Variants in KCNQ1 observed in about 807,000 individuals in gnomAD.
KCNQ1 encodes potassium voltage-gated channel subfamily Q member 1.
KCNQ1 carries 49 observed loss-of-function variants against 72.4 expected under a neutral mutation model. The ratio of observed to expected loss-of-function variants is 0.68; its 90% CI spans 0.54 to 0.86. The LOEUF (loss-of-function observed/expected upper bound fraction) is 0.86, where lower values mean the gene tolerates loss of function less well. KCNQ1 is among the 40% of genes least tolerant of loss of function. KCNQ1 has a pLI of 0.00. For synonymous variants in KCNQ1, 450 were observed against 412.6 expected, an observed-to-expected ratio of 1.09 and a Z score of -1.10; for missense variants, 790 against 945.1, an observed-to-expected ratio of 0.84 and a Z score of 2.15.
chr11:2,700,862 C>T (rs1038658950), intron 11 of KCNQ1, among the ~76,000 whole-genome samples: 3 of 152,130 alleles, frequency 2.0e-5, no homozygotes, highest in Non-Finnish European at 4.4e-5. Flanking sequence ...CGCGCGCCTT[C>T]TGAATGCCAA....
At chr11:2,686,173 G>A in intron 11 of KCNQ1, 1 of 398,918 alleles carries the variant, frequency 2.5e-6, no homozygotes, top group East Asian at 3.6e-5. Flanking sequence ...TGAGAGCACA[G>A]CAATGCCTAC....
At position 2,748,378 on chromosome 11, in the gene KCNQ1, G is replaced by A. The variant is rs1415178231; in HGVS notation, c.1515-20466G>A. 1.3e-5 allele frequency among the ~76,000 whole-genome samples: 2 copies of A among 152,202 alleles called. No individual in the cohort carries two copies. The highest frequency in any genetic ancestry group is 2.4e-5 in the African/African-American group (1 of 41,436). ...CACCTGTCCCAGTAAGGGTGGTTGT[G>A]TGTGTTGGGTAGATGTGGTGAGGTG... On this transcript the variant is annotated intron_variant, in intron 11 of 15. Transcript: ENST00000155840. The surrounding 1 kb of genome is among the most constrained non-coding windows in gnomAD (Gnocchi z 6.2).
Position 2,779,249 on chromosome 11 carries a change from C to T in KCNQ1, c.1794+1212C>T, listed in dbSNP as rs574516294. ...TCACAGGATTGGCAAGCTCAGAGGC[C>T]CAGAAGCCTTGGCCTCTCTGCTGCC... On this transcript the variant is annotated intron_variant, in intron 15 of 15. Transcript: ENST00000155840. Among the ~76,000 whole-genome samples the T allele has an allele frequency of 9.2e-5, 14 of 152,324 alleles. No individual in the cohort carries two copies. In the East Asian group the frequency reaches 2.7e-3, roughly 29 times the overall value.
intron 1 of KCNQ1, among the ~76,000 whole-genome samples, chr11:2,512,265 C>T (rs1227729967): frequency 1.3e-5 from 2 of 152,218 alleles, no homozygotes; most frequent in Admixed American, 6.5e-5. Flanking sequence ...GGTGCTGGAG[C>T]CGGGGCGGGA....
At chr11:2,684,401 G>C in intron 11 of KCNQ1, 1 of 398,640 alleles carries the variant, frequency 2.5e-6, no homozygotes, top group Non-Finnish European at 4.4e-6. Context: ...CCATCCCCCT[G>C]ATTCCTCAGT....
At chr11:2,665,272 G>GT (rs1300148658) in intron 11 of KCNQ1, 2 of 398,416 alleles carry the variant, frequency 5.0e-6, no homozygotes, top group Admixed American at 8.8e-5. Flanking sequence ...CCCTGAGCCT[G>GT]TGTCTCCCAC....
chr11:2,482,060 A>C lies in KCNQ1; in HGVS notation c.386+36576A>C, dbSNP rs1006468222. Among the ~76,000 whole-genome samples the C allele has an allele frequency of 1.3e-5, 2 of 152,116 alleles. No homozygotes were observed. The highest frequency in any genetic ancestry group is 4.8e-5 in the African/African-American group (2 of 41,426). ...TATGAATTTGTGCCTCAGTTTCTTC[A>C]TCTCTGAAACGGGAACGATGGGAGC... On this transcript the variant is annotated intron_variant, in intron 1 of 15. Transcript: ENST00000155840. This position sits in a 1 kb window ranked among gnomAD's most constrained non-coding sequence, Gnocchi z 5.7.
At chr11:2,555,162 C>A (rs958702637) in intron 2 of KCNQ1, among the ~76,000 whole-genome samples, 1 of 152,240 alleles carries the variant, frequency 6.6e-6, no homozygotes, top group African/African-American at 2.4e-5. Context: ...TCAGCACTCT[C>A]CCCAAGTCAA....
intron 11 of KCNQ1, among the ~76,000 whole-genome samples, chr11:2,733,864 CA>C (rs1165597318): frequency 1.0e-5 from 1 of 96,364 alleles, no homozygotes. Context: ...TCTCCCCCCC[CA>C]CTTCAGGGCC....
rs541290348 is a variant in KCNQ1, at chr11:2,452,258, T to G, written c.386+6774T>G. On this transcript the variant is annotated intron_variant, in intron 1 of 15. Transcript: ENST00000155840. ...GGCTGAACTTGCTCCAGGCAGAGATTTGAAGAGATTCAGAAAGCAGGAACC... is the reference window on the plus strand; with the variant it reads ...GGCTGAACTTGCTCCAGGCAGAGATGTGAAGAGATTCAGAAAGCAGGAACC... Among the ~76,000 whole-genome samples, 21 of 152,280 alleles carry G rather than the reference T, an allele frequency of 1.4e-4. No individual in the cohort carries two copies. The South Asian group carries it at 3.5e-3, about 26-fold the overall frequency.
intron 8 of KCNQ1, among the ~76,000 whole-genome samples, chr11:2,587,084 T>C (rs1848602647): frequency 6.6e-6 from 1 of 152,162 alleles, no homozygotes; most frequent in African/African-American, 2.4e-5. Flanking sequence ...CCTCACCTCC[T>C]GCCAGCCCTA....
intron 2 of KCNQ1, among the ~76,000 whole-genome samples, chr11:2,560,639 C>T (rs1340186153): frequency 6.6e-6 from 1 of 151,938 alleles, no homozygotes; most frequent in African/African-American, 2.4e-5. Flanking sequence ...GGCCCCTCAG[C>T]CTCCCCTTCC....
rs762913187 is a variant in KCNQ1 at position 2,451,473 on chromosome 11, C to T, written c.386+5989C>T. ...AACCCTGTCTTAGAGGATTGAGGCTCGGGGCCATGGGATCGGCACTGTCAT... is the reference window on the plus strand; with the variant it reads ...AACCCTGTCTTAGAGGATTGAGGCTTGGGGCCATGGGATCGGCACTGTCAT... On this transcript the variant is annotated intron_variant, in intron 1 of 15. Coordinates refer to ENST00000155840, the MANE Select transcript of KCNQ1 (RefSeq NM_000218.3). The surrounding 1 kb of genome is among the most constrained non-coding windows in gnomAD (Gnocchi z 6.4). Among the ~76,000 whole-genome samples, 1 of 152,186 alleles carries T rather than the reference C, an allele frequency of 6.6e-6. No individual in the cohort carries two copies. The highest frequency in any genetic ancestry group is 1.5e-5 in the Non-Finnish European group (1 of 68,032).
chr11:2,840,054 A>G (rs1404695935), intron 15 of KCNQ1: 1 of 152,218 alleles, frequency 6.6e-6, no homozygotes, highest in Non-Finnish European at 1.5e-5. Context: ...TCAAAAACCC[A>G]TGTATAACTT....
At chr11:2,729,349 G>A (rs1311361306) in intron 11 of KCNQ1, among the ~76,000 whole-genome samples, 2 of 152,264 alleles carry the variant, frequency 1.3e-5, no homozygotes, top group Non-Finnish European at 2.9e-5. Flanking sequence ...TTGTAGCACT[G>A]CCAGGTGGAT....
chr11:2,511,192 T>C (rs1847194315), intron 1 of KCNQ1, among the ~76,000 whole-genome samples: 1 of 152,140 alleles, frequency 6.6e-6, no homozygotes, highest in Non-Finnish European at 1.5e-5. Flanking sequence ...ATGTGGCTCT[T>C]GTGGGATGCA....
At chr11:2,727,229 A>G (rs1375665575) in intron 11 of KCNQ1, among the ~76,000 whole-genome samples, 1 of 152,206 alleles carries the variant, frequency 6.6e-6, no homozygotes, top group African/African-American at 2.4e-5. Flanking sequence ...ACAAGGAGGC[A>G]GCTTGGGGGA....
At chr11:2,510,934 T>A (rs1425588468) in intron 1 of KCNQ1, among the ~76,000 whole-genome samples, 1 of 152,176 alleles carries the variant, frequency 6.6e-6, no homozygotes, top group Non-Finnish European at 1.5e-5. Flanking sequence ...GCAGGGTCTG[T>A]CCCTAGCTCT....
At chr11:2,708,323 C>A (rs926324532) in intron 11 of KCNQ1, among the ~76,000 whole-genome samples, 1 of 152,194 alleles carries the variant, frequency 6.6e-6, no homozygotes, top group Non-Finnish European at 1.5e-5. Flanking sequence ...CATGGCTGAG[C>A]GGAACTTGGC....
Sources: gnomAD v4.1 joint callset for allele counts (sites outside exome capture counted in the v4.1 genomes callset) on GRCh38, gnomAD v4.1.1 for gene constraint, Gnocchi (gnomAD v3.1) non-coding constraint, MANE v1.5 for transcripts, NCBI Gene and HGNC (gene_info 2026-07-23, HGNC 2026-07-21) for gene names.